SLX4IP: variants seen among roughly 807,000 people sequenced by gnomAD.
SLX4IP encodes SLX4 interacting protein, also known as protein SLX4IP.
In SLX4IP, 34 loss-of-function variants were observed where a neutral mutation model predicts 32.9. The ratio of observed to expected loss-of-function variants is 1.03; its 90% CI spans 0.79 to 1.38. The LOEUF (loss-of-function observed/expected upper bound fraction) is 1.38, where lower values mean the gene tolerates loss of function less well. SLX4IP is among the 40% of genes most tolerant of loss of function. The probability of loss-of-function intolerance (pLI) is 0.00; values close to 1 mark genes in which losing one functional copy is unlikely to be tolerated. For synonymous variants in SLX4IP, 172 were observed against 171.7 expected (o/e 1.00, Z -0.01); for missense variants, 444 against 479.0 (o/e 0.93, Z 0.68).
rs1336292685 is a variant in SLX4IP at position 10,624,175 on chromosome 20, T to A, written c.*796T>A. On this transcript the variant is annotated 3_prime_UTR_variant, in exon 8 of 8. Transcript: ENST00000334534. The stretch of plus-strand genomic sequence containing the variant: ...ATGAAGGTGTTACTTTCCCTTATAA[T>A]TGTTGAAGTCGATGGGCGATTCTGC... The A allele has an allele frequency of 6.6e-6, 1 of 152,224 alleles. No individual in the cohort carries two copies. The highest frequency in any genetic ancestry group is 1.5e-5 in the Non-Finnish European group (1 of 68,062). The allele number at this position is 152,224 out of a possible 1,614,324, so 9.4% of individuals were successfully genotyped here.
intron 2 of SLX4IP, among the ~76,000 whole-genome samples, chr20:10,518,361 TTCTTTCTCTCTCTC>T (rs2065868025): frequency 6.7e-6 from 1 of 149,720 alleles, no homozygotes; most frequent in Admixed American, 6.7e-5. Context: ...CTCTCTTTCT[TTCTTTCTCTCTCTC>T]TTTCTTTCCT....
chr20:10,484,961 A>G (rs116126374), intron 2 of SLX4IP, among the ~76,000 whole-genome samples: 1 of 152,132 alleles, frequency 6.6e-6, no homozygotes, highest in East Asian at 1.9e-4. Context: ...AAATGAAGGT[A>G]GAAATGAAGA....
intron 4 of SLX4IP, among the ~76,000 whole-genome samples, chr20:10,580,341 C>CT: frequency 6.6e-6 from 1 of 152,188 alleles, no homozygotes; most frequent in South Asian, 2.1e-4. Context: ...AAGGACTTGT[C>CT]TGAGTTTTTG....
intron 6 of SLX4IP, among the ~76,000 whole-genome samples, chr20:10,609,867 T>A (rs1240917979): frequency 6.6e-6 from 1 of 152,176 alleles, no homozygotes; most frequent in East Asian, 1.9e-4. Context: ...CTCTATTTTT[T>A]ACAGATGTTT....
intron 2 of SLX4IP, among the ~76,000 whole-genome samples, chr20:10,511,429 C>T (rs1300790799): frequency 6.6e-6 from 1 of 152,190 alleles, no homozygotes; most frequent in Non-Finnish European, 1.5e-5. Flanking sequence ...GTTCACCTGA[C>T]TCCCAGGCAG....
At chr20:10,546,024 C>G (rs991598534) in intron 2 of SLX4IP, among the ~76,000 whole-genome samples, 2 of 152,156 alleles carry the variant, frequency 1.3e-5, no homozygotes, top group Non-Finnish European at 2.9e-5. Context: ...AAAATCAAAG[C>G]CACATTCCAA....
intron 6 of SLX4IP, among the ~76,000 whole-genome samples, chr20:10,615,886 G>T (rs1478726643): frequency 6.6e-6 from 1 of 152,008 alleles, no homozygotes; most frequent in Non-Finnish European, 1.5e-5. Flanking sequence ...CTTCCTTCAG[G>T]CCCTTTTATA....
rs1246036262 is a variant in SLX4IP, at chr20:10,598,721, C to G, written c.285C>G (p.Arg95=). 1 of 1,614,062 alleles carries G rather than the reference C, an allele frequency of 6.2e-7. No homozygotes were observed. Among genetic ancestry groups the G allele is most frequent in the Non-Finnish European group, 8.5e-7 (1 of 1,180,010 alleles). Residue 95 remains arginine, a synonymous_variant, in exon 5 of 8, where the codon CGC becomes CGG. Coordinates refer to ENST00000334534, the MANE Select transcript of SLX4IP (RefSeq NM_001009608.3). ...ITAYFLKRGI[R]LRCIRSTQNA... is the part of the protein sequence containing the mutation. ...CCTATTTCCTCAAGAGAGGGATACG[C>G]CTTCGCTGCATCAGGAGCACACAGA...
chr20:10,587,133 A>G (rs1279872891), intron 4 of SLX4IP, among the ~76,000 whole-genome samples: 1 of 152,196 alleles, frequency 6.6e-6, no homozygotes, highest in Non-Finnish European at 1.5e-5. Flanking sequence ...TAAAAGCAGA[A>G]ATCCTAAACT....
chr20:10,587,726 G>A (rs1184841012), intron 4 of SLX4IP, among the ~76,000 whole-genome samples: 3 of 152,030 alleles, frequency 2.0e-5, no homozygotes, highest in Non-Finnish European at 4.4e-5. Flanking sequence ...TTTGACAAGA[G>A]CACCAAAAAT....
intron 2 of SLX4IP, among the ~76,000 whole-genome samples, chr20:10,545,013 C>A (rs2066148295): frequency 1.3e-5 from 2 of 152,118 alleles, no homozygotes; most frequent in Admixed American, 1.3e-4. Flanking sequence ...TCCTGGGCCC[C>A]TCTCTGTAAT....
chr20:10,572,910 A>T (rs2066481857), intron 4 of SLX4IP, among the ~76,000 whole-genome samples: 1 of 152,232 alleles, frequency 6.6e-6, no homozygotes, highest in African/African-American at 2.4e-5. Context: ...GTGGTGGGGC[A>T]CATTACCACC....
chr20:10,622,917 A>C lies in SLX4IP; in HGVS notation c.765A>C (p.Gln255His). ...AGCCAGAAGACACTAGTGGCCAGCA[A>C]AAACCTCATCCTGGGGAGCGGTTAA... Reference protein sequence around the residue: ...QTQPEDTSGQQKPHPGERLKT... With the variant: ...QTQPEDTSGQHKPHPGERLKT... The change falls in exon 8 of 8, where the codon CAA becomes CAC. Residue 255 changes from glutamine (Q) to histidine (H), a missense_variant. By Grantham distance (24) the Gln-to-His change is conservative. Coordinates refer to ENST00000334534, the MANE Select transcript of SLX4IP (RefSeq NM_001009608.3). 1 of 1,614,168 alleles carries C rather than the reference A, an allele frequency of 6.2e-7. No homozygotes were observed. The highest frequency in any genetic ancestry group is 8.5e-7 in the Non-Finnish European group (1 of 1,180,032).
chr20:10,508,401 C>T (rs1433165516), intron 2 of SLX4IP, among the ~76,000 whole-genome samples: 1 of 152,236 alleles, frequency 6.6e-6, no homozygotes, highest in East Asian at 1.9e-4. Context: ...ATGAGCTGCT[C>T]AACAGGGGTG....
intron 6 of SLX4IP, among the ~76,000 whole-genome samples, chr20:10,608,738 A>T (rs2066933490): frequency 6.6e-6 from 1 of 151,382 alleles, no homozygotes; most frequent in African/African-American, 2.4e-5. Context: ...AATTTTTATC[A>T]ACATCATTTC....
chr20:10,446,713 G>C (rs2065205502), intron 1 of SLX4IP, among the ~76,000 whole-genome samples: 1 of 152,060 alleles, frequency 6.6e-6, no homozygotes, highest in Non-Finnish European at 1.5e-5. Flanking sequence ...TTTTCCCATG[G>C]CTAATGATGT....
intron 2 of SLX4IP, among the ~76,000 whole-genome samples, chr20:10,487,663 G>A (rs1457252210): frequency 6.6e-6 from 1 of 152,160 alleles, no homozygotes; most frequent in African/African-American, 2.4e-5. Flanking sequence ...GAATCTGAGG[G>A]CCTTGAGGTT....
intron 2 of SLX4IP, among the ~76,000 whole-genome samples, chr20:10,542,914 C>T (rs1017142817): frequency 2.6e-5 from 4 of 152,126 alleles, no homozygotes; most frequent in Non-Finnish European, 5.9e-5. Flanking sequence ...GTGGGTATGT[C>T]CCCTATATAT....
intron 6 of SLX4IP, 77 bp from the exon 7 acceptor site, chr20:10,621,237 G>A: frequency 8.0e-7 from 1 of 1,254,580 alleles, no homozygotes; most frequent in South Asian, 1.2e-5. Flanking sequence ...GTTCATTGGG[G>A]CATTCAGAGT....
Sources: gnomAD v4.1 joint callset for allele counts (sites outside exome capture counted in the v4.1 genomes callset) on GRCh38, gnomAD v4.1.1 for gene constraint, MANE v1.5 for transcripts, NCBI Gene and HGNC (gene_info 2026-07-23, HGNC 2026-07-21) for gene names.